Variants in ASS1 observed in about 807,000 individuals in gnomAD.
ASS1 encodes argininosuccinate synthase 1.
A neutral mutation model predicts 60.5 loss-of-function variants in ASS1; 58 were observed. The observed-to-expected ratio is 0.96, with a 90% CI of 0.78 to 1.19. ASS1 has a LOEUF of 1.19. ASS1 is among the 50% of genes most tolerant of loss of function. The pLI is 0.00. For missense variants in ASS1, 454 were observed against 547.3 expected (o/e 0.83, Z 1.70); for synonymous variants, 200 against 206.9 (o/e 0.97, Z 0.29).
At chr9:130,473,928 T>C (rs1227258982) in intron 8 of ASS1, among the ~76,000 whole-genome samples, 1 of 152,048 alleles carries the variant, frequency 6.6e-6, no homozygotes, top group Non-Finnish European at 1.5e-5. Flanking sequence ...CTCTACATCA[T>C]GGTTTAGTTC....
rs747575810 is a variant in ASS1 at position 130,471,494 on chromosome 9, T to C, written c.576T>C (p.Ala192=). The change falls in exon 8 of 15, where the codon GCT becomes GCC. Residue 192 remains alanine, a synonymous_variant. Transcript: ENST00000352480. ...CCTTTCCCCTCCGCAGCTACGAGGC[T>C]GGAATCCTGGAGAACCCCAAGGTAA... is the stretch of plus-strand genomic sequence containing the variant. ...DENLMHISYE[A]GILENPKNQA... The C allele has an allele frequency of 6.8e-6, 11 of 1,614,166 alleles. No homozygotes were observed. The highest frequency in any genetic ancestry group is 9.3e-6 in the Non-Finnish European group (11 of 1,180,010).
chr9:130,472,105 G>A (rs953276735), intron 8 of ASS1, among the ~76,000 whole-genome samples: 2 of 152,318 alleles, frequency 1.3e-5, no homozygotes, highest in African/African-American at 4.8e-5. Flanking sequence ...TGTGGGAGGT[G>A]GGGGAGGCAG....
At chr9:130,445,739 G>GA (rs1339182912) in intron 1 of ASS1, among the ~76,000 whole-genome samples, 2 of 152,196 alleles carry the variant, frequency 1.3e-5, no homozygotes, top group Non-Finnish European at 2.9e-5. Flanking sequence ...TGAAAGAGAG[G>GA]AAACTCCTCT....
chr9:130,456,735 A>T (rs1031977439), intron 3 of ASS1, among the ~76,000 whole-genome samples: 2 of 152,046 alleles, frequency 1.3e-5, no homozygotes, highest in African/African-American at 4.8e-5. Context: ...AGATCTCTTG[A>T]GGTCAGGAGT....
chr9:130,469,827 G>T (rs142978823), intron 6 of ASS1, among the ~76,000 whole-genome samples: 2 of 152,162 alleles, frequency 1.3e-5, no homozygotes, highest in Non-Finnish European at 2.9e-5. Flanking sequence ...GAGTGGGGTC[G>T]ATCCCATCAG....
At chr9:130,448,402 G>A (rs973068588) in intron 1 of ASS1, among the ~76,000 whole-genome samples, 1 of 139,570 alleles carries the variant, frequency 7.2e-6, no homozygotes, top group African/African-American at 2.7e-5. Flanking sequence ...ACCCCTGGGT[G>A]CACACAGGTG....
chr9:130,448,141 C>T (rs761918985), intron 1 of ASS1, among the ~76,000 whole-genome samples: 2 of 151,892 alleles, frequency 1.3e-5, no homozygotes, highest in African/African-American at 2.4e-5. Context: ...GTTTTTGCCT[C>T]GGGCTGCAAA....
chr9:130,496,449 G>T (rs2118885636), intron 13 of ASS1, among the ~76,000 whole-genome samples: 1 of 151,982 alleles, frequency 6.6e-6, no homozygotes, highest in East Asian at 1.9e-4. Flanking sequence ...GTATTAGCCA[G>T]GTGTGGTGGC....
In ASS1 at chr9:130,458,562, G is replaced by T; in HGVS notation, c.336G>T (p.Lys112Asn). The T allele has an allele frequency of 6.2e-7, 1 of 1,613,266 alleles. No individual in the cohort carries two copies. The change falls in exon 4 of 15, where the codon AAG becomes AAT. Residue 112 changes from lysine to asparagine, a missense_variant. Physicochemically the swap from Lys to Asn is moderately conservative, Grantham distance 94. Transcript: ENST00000352480. ...AAATCGCCCAGCGGGAGGGGGCCAA[G>T]TATGTGTCCCACGGCGCCACAGGAA... ...QVEIAQREGA[K>N]YVSHGATGKG...
intron 2 of ASS1, among the ~76,000 whole-genome samples, chr9:130,452,864 C>T (rs1223457016): frequency 1.3e-5 from 2 of 152,226 alleles, no homozygotes; most frequent in African/African-American, 4.8e-5. Flanking sequence ...AAACTAGCTC[C>T]TCTTCGACTG....
At chr9:130,457,488 GT>G (rs1845473850) in intron 3 of ASS1, among the ~76,000 whole-genome samples, 1 of 152,030 alleles carries the variant, frequency 6.6e-6, no homozygotes, top group Non-Finnish European at 1.5e-5. Context: ...CAAAAAAAAA[GT>G]TTTCACTCAG....
chr9:130,475,682 A>G (rs1485189898), intron 8 of ASS1, among the ~76,000 whole-genome samples: 1 of 150,428 alleles, frequency 6.6e-6, no homozygotes, highest in Non-Finnish European at 1.5e-5. Flanking sequence ...TTCTTACCAA[A>G]TGGGGCTGCT....
chr9:130,460,771 G>A (rs1845571745), intron 4 of ASS1, among the ~76,000 whole-genome samples: 3 of 152,164 alleles, frequency 2.0e-5, no homozygotes, highest in African/African-American at 7.2e-5. Context: ...TTGGATGGAG[G>A]TGGCCAGTGA....
chr9:130,446,512 GGTGGATCAAGTGAAT>G (rs1199820658), intron 1 of ASS1, among the ~76,000 whole-genome samples: 1 of 152,154 alleles, frequency 6.6e-6, no homozygotes, highest in Non-Finnish European at 1.5e-5. Flanking sequence ...GCTCTGTGGG[GGTGGATCAAGTGAAT>G]GAATAGTGAC....
intron 8 of ASS1, among the ~76,000 whole-genome samples, chr9:130,473,196 A>C (rs978049220): frequency 1.3e-5 from 2 of 152,130 alleles, no homozygotes; most frequent in Non-Finnish European, 2.9e-5. Flanking sequence ...TTTTCTTCTT[A>C]TTGCTGTGCA....
Position 130,450,361 on chromosome 9 carries a change from C to T in ASS1, c.-5-1863C>T, listed in dbSNP as rs1242165121. 7.1e-6 allele frequency: 7 copies of T among 985,202 alleles called. No individual in the cohort carries two copies. The East Asian group carries it at 6.8e-4, about 96-fold the overall frequency. 61.0% of individuals were successfully genotyped at this position (985,202 alleles called of 1,614,324 possible). A position where few individuals can be genotyped will look rare whatever the true frequency, so the allele number is the denominator to read the frequency against. On this transcript the variant is annotated intron_variant, in intron 1 of 14. Transcript: ENST00000352480. ...ACTGCCCACCTTAAGTCCTCCCTGCCTGCCTTCCTCCCTCCTTCCCTCCAT... is the reference window on the plus strand; with the variant it reads ...ACTGCCCACCTTAAGTCCTCCCTGCTTGCCTTCCTCCCTCCTTCCCTCCAT...
At chr9:130,492,893 G>A (rs1242433442) in intron 12 of ASS1, among the ~76,000 whole-genome samples, 4 of 152,156 alleles carry the variant, frequency 2.6e-5, no homozygotes, top group Non-Finnish European at 5.9e-5. Flanking sequence ...CCCAACCCAG[G>A]CTGGGTCCGC....
At position 130,470,500 on chromosome 9, in the gene ASS1, G is replaced by C. The variant is rs1423187561; in HGVS notation, c.496-334G>C. ...AAGCCCCAGCTCGTAGGGTGGTGGC[G>C]GGGCTGGTTGGCTGGTGCCGGGAGA... is the stretch of plus-strand genomic sequence containing the variant. On this transcript the variant is annotated intron_variant, in intron 6 of 14. Coordinates refer to ENST00000352480, the MANE Select transcript of ASS1 (RefSeq NM_054012.4). This position sits in a 1 kb window ranked among gnomAD's most constrained non-coding sequence, Gnocchi z 4.3. Among the ~76,000 whole-genome samples the C allele has an allele frequency of 2.0e-5, 3 of 152,214 alleles. No individual in the cohort carries two copies. Among genetic ancestry groups the C allele is most frequent in the Non-Finnish European group, 4.4e-5 (3 of 68,044 alleles).
Position 130,450,360 on chromosome 9 carries a change from C to T in ASS1, c.-5-1864C>T, listed in dbSNP as rs1845299499. 5 of 985,420 alleles carry T rather than the reference C, an allele frequency of 5.1e-6. No homozygotes were observed. The South Asian group carries it at 1.9e-4, about 37-fold the overall frequency. The allele number at this position is 985,420 out of a possible 1,614,324, so 61.0% of individuals were successfully genotyped here. ...TACTGCCCACCTTAAGTCCTCCCTG[C>T]CTGCCTTCCTCCCTCCTTCCCTCCA... On this transcript the variant is annotated intron_variant, in intron 1 of 14. Coordinates refer to ENST00000352480, the MANE Select transcript of ASS1 (RefSeq NM_054012.4).
Sources: gnomAD v4.1 joint callset for allele counts (sites outside exome capture counted in the v4.1 genomes callset) on GRCh38, gnomAD v4.1.1 for gene constraint, Gnocchi (gnomAD v3.1) non-coding constraint, MANE v1.5 for transcripts, NCBI Gene and HGNC (gene_info 2026-07-23, HGNC 2026-07-21) for gene names.